The following AKAP6 variants were observed in gnomAD, a reference collection of about 807,000 sequenced individuals.
AKAP6 encodes the protein A-kinase anchoring protein 6.
In AKAP6, 58 loss-of-function variants were observed where a neutral mutation model predicts 188.5. That is an observed-to-expected ratio of 0.31 (90% confidence interval 0.25 to 0.38). The LOEUF is 0.38. Ranked by LOEUF, AKAP6 falls within the 10% of genes least tolerant of loss-of-function variation. The pLI is 1.00. For synonymous variants in AKAP6, 989 were observed against 998.6 expected, an observed-to-expected ratio of 0.99 and a Z score of 0.18; for missense variants, 2,710 against 2,740.0, an observed-to-expected ratio of 0.99 and a Z score of 0.24.
At chr14:32,572,459 A>ATATG (rs1381797162) in intron 4 of AKAP6, among the ~76,000 whole-genome samples, 1 of 152,200 alleles carries the variant, frequency 6.6e-6, no homozygotes, top group Non-Finnish European at 1.5e-5. Flanking sequence ...CTGGCCCCAT[A>ATATG]TATGGCACAA....
At chr14:32,468,269 A>G (rs1038124029) in intron 2 of AKAP6, among the ~76,000 whole-genome samples, 3 of 152,316 alleles carry the variant, frequency 2.0e-5, no homozygotes, top group South Asian at 2.1e-4. Flanking sequence ...ATTAAATGAC[A>G]TATTCAGAAG....
At chr14:32,761,513 G>A (rs1000170452) in intron 11 of AKAP6, among the ~76,000 whole-genome samples, 26 of 152,090 alleles carry the variant, frequency 1.7e-4, no homozygotes, top group Admixed American at 6.6e-4. Context: ...AGCCAACTAC[G>A]TATGGATGAG....
intron 8 of AKAP6, among the ~76,000 whole-genome samples, chr14:32,688,525 C>T (rs1405439663): frequency 6.6e-6 from 1 of 151,906 alleles, no homozygotes; most frequent in Admixed American, 6.6e-5. Flanking sequence ...CTATCCATAC[C>T]CAAAGAATAA....
intron 1 of AKAP6, among the ~76,000 whole-genome samples, chr14:32,380,241 G>A (rs1463328314): frequency 3.3e-5 from 5 of 152,190 alleles, no homozygotes; most frequent in Non-Finnish European, 7.3e-5. Flanking sequence ...TCCTTTCTAT[G>A]AAGGCTTCCC....
rs1030613383 is a variant in AKAP6, at chr14:32,722,651, G to T, written c.3001-9803G>T. On this transcript the variant is annotated intron_variant, in intron 9 of 13. Transcript: ENST00000280979. The stretch of plus-strand genomic sequence containing the variant: ...GTGTCTGAATGTTAAGAGGAGTTCG[G>T]CTGGCTGGGGACAGAGAGGAGTTCA... Among the ~76,000 whole-genome samples the T allele has an allele frequency of 1.2e-4, 19 of 152,114 alleles. 1 individual carries two copies.
intron 2 of AKAP6, among the ~76,000 whole-genome samples, chr14:32,519,031 A>G (rs531344032): frequency 2.0e-5 from 3 of 152,260 alleles, no homozygotes; most frequent in South Asian, 2.1e-4. Context: ...AGAGAGTGGG[A>G]GCCAATATTC....
At chr14:32,462,916 A>AAAAAAAAAAAAC (rs1891389540) in intron 2 of AKAP6, among the ~76,000 whole-genome samples, 2 of 93,816 alleles carry the variant, frequency 2.1e-5, no homozygotes, top group African/African-American at 7.0e-5. Context: ...AAAAAAAAAA[A>AAAAAAAAAAAAC]AAAAAAAAAA....
intron 1 of AKAP6, among the ~76,000 whole-genome samples, chr14:32,335,709 G>GT (rs889865223): frequency 6.6e-6 from 1 of 151,730 alleles, no homozygotes; most frequent in African/African-American, 2.4e-5. Flanking sequence ...TTGGTTCAAT[G>GT]TTTATATTAA....
chr14:32,655,624 G>A (rs1274674919), intron 7 of AKAP6, among the ~76,000 whole-genome samples: 1 of 152,134 alleles, frequency 6.6e-6, no homozygotes, highest in Non-Finnish European at 1.5e-5. Context: ...GGCCCTTAGA[G>A]GACTTTTTGG....
At chr14:32,412,010 ATCTTGGTTT>A (rs1185509169) in intron 1 of AKAP6, among the ~76,000 whole-genome samples, 1 of 152,050 alleles carries the variant, frequency 6.6e-6, no homozygotes, top group Admixed American at 6.6e-5. Flanking sequence ...ATTTGTCAGG[ATCTTGGTTT>A]TTGTGAGGCA....
chr14:32,534,157 G>A (rs1431648566), intron 2 of AKAP6, among the ~76,000 whole-genome samples: 1 of 151,962 alleles, frequency 6.6e-6, no homozygotes, highest in Non-Finnish European at 1.5e-5. Flanking sequence ...CTTTAAAAAA[G>A]TAACTGAATT....
rs1266751354 is a variant in AKAP6 at position 32,821,410 on chromosome 14, G to C, written c.3597G>C (p.Leu1199Phe). 6.2e-7 allele frequency: 1 copy of C among 1,602,972 alleles called. No individual in the cohort carries two copies. The highest frequency in any genetic ancestry group is 8.5e-7 in the Non-Finnish European group (1 of 1,174,002). ...QKKMGKESETLNVIDPGLMDL... is the reference protein window; with the variant it reads ...QKKMGKESETFNVIDPGLMDL... ...TTCTTTCTCTCACACAGGAGACTTT[G>C]AATGTGATTGATCCTGGCTTGATGG... is the stretch of plus-strand genomic sequence containing the variant. The change falls in exon 13 of 14, where the codon TTG (leucine) becomes TTC (phenylalanine). Residue 1199 changes from leucine (L) to phenylalanine (F), a missense_variant. Physicochemically the swap from Leu to Phe is conservative, Grantham distance 22 (BLOSUM62 0). This residue lies in a region of AKAP6 where 2,473 missense variants were observed against 2,426.1 expected (regional missense o/e 1.02). Transcript: ENST00000280979.
intron 11 of AKAP6, among the ~76,000 whole-genome samples, chr14:32,753,167 G>C (rs1377152082): frequency 6.6e-6 from 1 of 152,078 alleles, no homozygotes; most frequent in African/African-American, 2.4e-5. Context: ...CCCAACAACA[G>C]TGTACAAGGG....
chr14:32,735,887 TA>T lies in AKAP6; in HGVS notation c.3372+12del. On this transcript the variant is annotated splice_donor_region_variant and intron_variant, in intron 11 of 13. Transcript: ENST00000280979. ...AAACAACTGCAATACTTTAAGGTAA[TA>T]AAAAAACAATCAAAGTTGATAAAAA... 3.2e-6 allele frequency: 5 copies of T among 1,568,072 alleles called. No homozygotes were observed. Among genetic ancestry groups the T allele is most frequent in the African/African-American group, 1.4e-5 (1 of 72,420 alleles).
intron 9 of AKAP6, among the ~76,000 whole-genome samples, chr14:32,705,724 A>C (rs1296163149): frequency 1.3e-5 from 2 of 152,160 alleles, no homozygotes; most frequent in Middle Eastern, 3.2e-3. Context: ...AATATGCCCC[A>C]AATCTCAGAG....
chr14:32,519,540 G>A (rs955887900), intron 2 of AKAP6, among the ~76,000 whole-genome samples: 14 of 152,090 alleles, frequency 9.2e-5, no homozygotes, highest in African/African-American at 3.4e-4. Flanking sequence ...AGCAGGGGTT[G>A]CAATCTTAGT....
At chr14:32,545,199 T>A in intron 3 of AKAP6, 31 bp from the exon 4 acceptor site, 1 of 1,587,282 alleles carries the variant, frequency 6.3e-7, no homozygotes. Flanking sequence ...GATGTTGCAT[T>A]TACTGAAACC....
At chr14:32,690,076 TACACACACAC>T (rs10658220) in intron 8 of AKAP6, among the ~76,000 whole-genome samples, 119 of 136,020 alleles carry the variant, frequency 8.7e-4, no homozygotes, top group East Asian at 1.3e-3. Flanking sequence ...TGCCCCAAAA[TACACACACAC>T]ACACACACAC....
intron 9 of AKAP6, among the ~76,000 whole-genome samples, chr14:32,725,881 G>A (rs1594885727): frequency 1.3e-5 from 2 of 152,254 alleles, no homozygotes; most frequent in Non-Finnish European, 2.9e-5. Context: ...TCCATTTCCT[G>A]TTTAATTGAT....
Sources: allele counts gnomAD v4.1 joint callset (sites outside exome capture counted in the v4.1 genomes callset), GRCh38; gene constraint gnomAD v4.1.1; regional missense constraint gnomAD v4.1.1; transcripts MANE v1.5; gene names NCBI Gene and HGNC (gene_info 2026-07-23, HGNC 2026-07-21).